The following SCN7A variants were observed in gnomAD, a reference collection of about 807,000 sequenced individuals.
SCN7A encodes sodium channel protein type 7 subunit alpha.
A neutral mutation model predicts 155.2 loss-of-function variants in SCN7A; 138 were observed. The observed-to-expected ratio is 0.89, with a 90% CI of 0.77 to 1.02. The LOEUF (loss-of-function observed/expected upper bound fraction) is 1.02, where lower values mean the gene tolerates loss of function less well. Among genes scored for constraint, SCN7A ranks in the 50% least tolerant of loss-of-function variants. The probability of loss-of-function intolerance (pLI) is 0.00; values close to 1 mark genes in which losing one functional copy is unlikely to be tolerated. For missense variants in SCN7A, 2,058 were observed against 1,986.6 expected, an observed-to-expected ratio of 1.04 and a Z score of -0.68; for synonymous variants, 693 against 649.0, an observed-to-expected ratio of 1.07 and a Z score of -1.03.
chr2:166,436,464 A>G (rs1180176092), intron 15 of SCN7A: 1 of 389,890 alleles, frequency 2.6e-6, no homozygotes, highest in East Asian at 8.5e-5. Context: ...AGTCAGTTAA[A>G]CCTCTTTCTT....
intron 16 of SCN7A, 111 bp downstream of exon 16, chr2:166,432,207 G>A (rs146336821): frequency 9.0e-5 from 67 of 745,278 alleles, no homozygotes; most frequent in South Asian, 8.8e-4. Context: ...TAGGAGTGAT[G>A]GAGTTAGAAT....
intron 10 of SCN7A, chr2:166,461,655 G>A (rs1037584055): frequency 1.2e-5 from 1 of 81,808 alleles, no homozygotes; most frequent in Non-Finnish European, 2.5e-5. Flanking sequence ...TTAATACCTA[G>A]ATATGTTCTT....
chr2:166,487,387 G>A (rs976588652), intron 1 of SCN7A, among the ~76,000 whole-genome samples: 1 of 152,044 alleles, frequency 6.6e-6, no homozygotes, highest in African/African-American at 2.4e-5. Flanking sequence ...AATGCCAGAA[G>A]TCAGTATTTT....
chr2:166,418,284 C>CTTTTTT (rs71031244), intron 20 of SCN7A, among the ~76,000 whole-genome samples: 1 of 60,674 alleles, frequency 1.6e-5, no homozygotes, highest in African/African-American at 7.2e-5. Flanking sequence ...CCCCGCCAGG[C>CTTTTTT]TTTTTTTTTT....
Position 166,427,770 on chromosome 2 carries a change from C to A in SCN7A, c.2853+18G>T, listed in dbSNP as rs1235583498. On this transcript the variant is annotated intron_variant, in intron 18 of 25. Coordinates refer to ENST00000643258, the MANE Select transcript of SCN7A (RefSeq NM_002976.4). ...TTTGTCCCCAGCAAAGTATCAAACA[C>A]CCTGGCTGCCCACTTACCAGAGTGC... 6 of 1,597,650 alleles carry A rather than the reference C, an allele frequency of 3.8e-6. No homozygotes were observed. The highest frequency in any genetic ancestry group is 2.7e-5 in the African/African-American group (2 of 74,562).
At chr2:166,418,665 C>G (rs904753772) in intron 20 of SCN7A, among the ~76,000 whole-genome samples, 2 of 151,932 alleles carry the variant, frequency 1.3e-5, no homozygotes, top group Admixed American at 6.6e-5. Context: ...AACTAGATCA[C>G]AGATCTTTTG....
At chr2:166,415,810 G>A (rs1342271029) in intron 21 of SCN7A, among the ~76,000 whole-genome samples, 1 of 152,114 alleles carries the variant, frequency 6.6e-6, no homozygotes, top group African/African-American at 2.4e-5. Context: ...TGAACAATAT[G>A]AAATCAGTGC....
At chr2:166,475,193 GA>G (rs1323951327) in intron 3 of SCN7A, among the ~76,000 whole-genome samples, 1 of 142,252 alleles carries the variant, frequency 7.0e-6, no homozygotes, top group Non-Finnish European at 1.5e-5. Flanking sequence ...TATCCATTTG[GA>G]AAAAAAATCT....
intron 1 of SCN7A, among the ~76,000 whole-genome samples, chr2:166,491,806 G>T (rs986241910): frequency 6.6e-6 from 1 of 152,076 alleles, no homozygotes; most frequent in African/African-American, 2.4e-5. Context: ...TACTGAAAAT[G>T]GTTAGTGGAA....
chr2:166,480,867 G>C (rs765901638), intron 2 of SCN7A, among the ~76,000 whole-genome samples: 1 of 152,116 alleles, frequency 6.6e-6, no homozygotes, highest in Non-Finnish European at 1.5e-5. Context: ...TCCTATTCAT[G>C]CTCTACTTTC....
At chr2:166,468,398 C>T (rs1387147775) in intron 7 of SCN7A, among the ~76,000 whole-genome samples, 1 of 151,940 alleles carries the variant, frequency 6.6e-6, no homozygotes, top group Non-Finnish European at 1.5e-5. Context: ...GTGGACCTAA[C>T]CTGACAATTC....
At chr2:166,412,369 C>A (rs1350150114) in intron 23 of SCN7A, among the ~76,000 whole-genome samples, 161 bp downstream of exon 23, 4 of 151,990 alleles carry the variant, frequency 2.6e-5, no homozygotes, top group Non-Finnish European at 5.9e-5. Context: ...CAATGTTCAT[C>A]AATGTGCAGG....
chr2:166,444,644 T>C (rs955887803), intron 13 of SCN7A, 118 bp downstream of exon 13: 1 of 635,464 alleles, frequency 1.6e-6, no homozygotes, highest in Non-Finnish European at 2.8e-6. Flanking sequence ...TCAATAATAA[T>C]GCATATTGCA....
rs1262942036 is a variant in SCN7A at position 166,414,293 on chromosome 2, C to CATATAT, written c.3415-1178_3415-1173dup. On this transcript the variant is annotated intron_variant, in intron 21 of 25. Coordinates refer to ENST00000643258, the MANE Select transcript of SCN7A (RefSeq NM_002976.4). Reference sequence around the variant, plus strand: ...ACACATATATATATATATACACACACATATATATATATATATATACACATA... The same window carrying CATATAT: ...ACACATATATATATATATACACACACATATATATATATATATATATATATACACATA... 5.0e-4 allele frequency among the ~76,000 whole-genome samples: 21 copies of CATATAT among 42,096 alleles called. 1 individual carries two copies. The highest frequency in any genetic ancestry group is 6.5e-4 in the Non-Finnish European group (15 of 23,152). The allele number at this position is 42,096 out of a possible 152,430, so 27.6% of individuals were successfully genotyped here.
At chr2:166,439,680 G>A (rs185772939) in intron 15 of SCN7A, among the ~76,000 whole-genome samples, 147 of 152,240 alleles carry the variant, frequency 9.7e-4, no homozygotes, top group Non-Finnish European at 1.6e-3. Flanking sequence ...GGAATGAAAA[G>A]TGTACTACTG....
intron 22 of SCN7A, 46 bp downstream of exon 22, chr2:166,413,022 C>G (rs1392686504): frequency 7.4e-7 from 1 of 1,351,646 alleles, no homozygotes; most frequent in South Asian, 1.4e-5. Context: ...GCAAAAATGA[C>G]TTTGCTTGTA....
chr2:166,489,933 A>T (rs1036148449), intron 1 of SCN7A, among the ~76,000 whole-genome samples: 1 of 152,088 alleles, frequency 6.6e-6, no homozygotes, highest in African/African-American at 2.4e-5. Flanking sequence ...ATTTTAAAAA[A>T]TATTTTGTCT....
intron 15 of SCN7A, among the ~76,000 whole-genome samples, chr2:166,433,418 C>T (rs902112946): frequency 6.6e-6 from 1 of 152,048 alleles, no homozygotes; most frequent in African/African-American, 2.4e-5. Context: ...TCTTATCCAC[C>T]TACCACAGTG....
chr2:166,466,775 T>C (rs1702543308), intron 7 of SCN7A, among the ~76,000 whole-genome samples: 1 of 152,042 alleles, frequency 6.6e-6, no homozygotes, highest in Non-Finnish European at 1.5e-5. Context: ...AATGAGAATA[T>C]ACTAACTCTG....
Sources: allele counts gnomAD v4.1 joint callset (sites outside exome capture counted in the v4.1 genomes callset), GRCh38; gene constraint gnomAD v4.1.1; transcripts MANE v1.5; gene names NCBI Gene and HGNC (gene_info 2026-07-23, HGNC 2026-07-21).